The following NDST4 variants were observed in gnomAD, a reference collection of about 807,000 sequenced individuals.
The protein encoded by NDST4 is N-heparan sulfate sulfotransferase 4.
Under a neutral mutation model 100.8 loss-of-function variants are expected in NDST4, and 63 were observed. The observed-to-expected ratio is 0.62, with a 90% confidence interval of 0.51 to 0.77. The LOEUF (loss-of-function observed/expected upper bound fraction) is 0.77, where lower values mean the gene tolerates loss of function less well. Among genes scored for constraint, NDST4 ranks in the 30% least tolerant of loss-of-function variants. The pLI is 0.00. For synonymous variants in NDST4, 377 were observed against 361.8 expected (o/e 1.04, Z -0.48); for missense variants, 943 against 1,018.4 (o/e 0.93, Z 1.01).
At chr4:114,900,042 T>C (rs1365535005) in intron 6 of NDST4, among the ~76,000 whole-genome samples, 1 of 152,144 alleles carries the variant, frequency 6.6e-6, no homozygotes, top group African/African-American at 2.4e-5. Flanking sequence ...TGTTTACTTC[T>C]TCTTGTGTGA....
chr4:115,016,790 G>A (rs1249291110), intron 2 of NDST4, among the ~76,000 whole-genome samples: 5 of 151,982 alleles, frequency 3.3e-5, no homozygotes, highest in African/African-American at 7.2e-5. Context: ...TAATGACTCC[G>A]ACCCTTCCAG....
chr4:114,916,155 C>T (rs976238050), intron 6 of NDST4, among the ~76,000 whole-genome samples: 7 of 152,104 alleles, frequency 4.6e-5, no homozygotes, highest in Admixed American at 4.6e-4. Context: ...TGAAGCCACT[C>T]TCATGGTCTG....
intron 4 of NDST4, among the ~76,000 whole-genome samples, chr4:114,962,206 A>G (rs1726278961): frequency 6.6e-6 from 1 of 152,108 alleles, no homozygotes; most frequent in Non-Finnish European, 1.5e-5. Context: ...CATCATGCCT[A>G]ATGGCGAAAG....
intron 2 of NDST4, among the ~76,000 whole-genome samples, chr4:115,045,683 C>A (rs909776599): frequency 6.6e-6 from 1 of 152,170 alleles, no homozygotes; most frequent in Admixed American, 6.6e-5. Context: ...TACAGAAGGA[C>A]ACCTGCACCT....
intron 2 of NDST4, among the ~76,000 whole-genome samples, chr4:114,987,856 T>A (rs1172568842): frequency 1.3e-5 from 2 of 152,198 alleles, no homozygotes; most frequent in African/African-American, 4.8e-5. Context: ...AGTGAATGTC[T>A]GATCATGGGA....
intron 6 of NDST4, among the ~76,000 whole-genome samples, chr4:114,928,746 C>T (rs1042508004): frequency 6.6e-6 from 1 of 151,960 alleles, no homozygotes; most frequent in South Asian, 2.1e-4. Context: ...GTTGAAGGCC[C>T]GAATAAAACA....
chr4:114,904,208 T>C (rs72904955), intron 6 of NDST4, among the ~76,000 whole-genome samples: 7,327 of 152,020 alleles, frequency 0.048, 581 homozygotes, highest in African/African-American at 0.17. Context: ...ATAATCACTA[T>C]TTCCCACTCA....
chr4:115,050,024 T>C (rs909272535), intron 2 of NDST4, among the ~76,000 whole-genome samples: 2 of 152,152 alleles, frequency 1.3e-5, no homozygotes, highest in African/African-American at 4.8e-5. Flanking sequence ...TTTCTGATTA[T>C]CATGAGTCCT....
chr4:114,884,835 G>A (rs368318396), intron 6 of NDST4, among the ~76,000 whole-genome samples: 57 of 152,022 alleles, frequency 3.7e-4, no homozygotes, highest in Non-Finnish European at 3.8e-4. Flanking sequence ...ATCAAAATAC[G>A]TAAGATGATG....
At chr4:114,928,585 G>A (rs1443951414) in intron 6 of NDST4, among the ~76,000 whole-genome samples, 2 of 152,180 alleles carry the variant, frequency 1.3e-5, no homozygotes, top group South Asian at 2.1e-4. Context: ...ACTAGACCAG[G>A]AAATGGCAAG....
chr4:114,984,316 C>G (rs1726850890), intron 2 of NDST4, among the ~76,000 whole-genome samples: 1 of 151,954 alleles, frequency 6.6e-6, no homozygotes, highest in Non-Finnish European at 1.5e-5. Context: ...GTAGATGGGA[C>G]TACAGGCACC....
At chr4:115,028,070 A>AG (rs1197748377) in intron 2 of NDST4, among the ~76,000 whole-genome samples, 4 of 152,076 alleles carry the variant, frequency 2.6e-5, no homozygotes, top group African/African-American at 9.7e-5. Context: ...AAAAAAAAAA[A>AG]AGAATGATCC....
chr4:114,874,000 G>T (rs976876185), intron 6 of NDST4, among the ~76,000 whole-genome samples: 2 of 152,030 alleles, frequency 1.3e-5, no homozygotes, highest in African/African-American at 2.4e-5. Flanking sequence ...GTGGCATTAA[G>T]TGCATTCACA....
At chr4:114,836,216 TTA>T (rs1443320278) in intron 11 of NDST4, among the ~76,000 whole-genome samples, 1 of 152,188 alleles carries the variant, frequency 6.6e-6, no homozygotes, top group East Asian at 1.9e-4. Flanking sequence ...TCATCAGTCT[TTA>T]TATTTTGATG....
chr4:114,854,185 G>A (rs2126189607), intron 7 of NDST4, among the ~76,000 whole-genome samples: 1 of 152,162 alleles, frequency 6.6e-6, no homozygotes, highest in East Asian at 1.9e-4. Context: ...GAGTTCAATT[G>A]TTTTAATTTT....
chr4:114,892,945 CCACGTGTTCTCAA>C (rs1407795437), intron 6 of NDST4, among the ~76,000 whole-genome samples: 1 of 152,040 alleles, frequency 6.6e-6, no homozygotes, highest in Non-Finnish European at 1.5e-5. Flanking sequence ...CTCTCTGTGT[CCACGTGTTCTCAA>C]TATTTGACTC....
At chr4:115,002,082 G>A (rs2126256221) in intron 2 of NDST4, among the ~76,000 whole-genome samples, 1 of 152,146 alleles carries the variant, frequency 6.6e-6, no homozygotes, top group South Asian at 2.1e-4. Flanking sequence ...TATAAAATGG[G>A]TACTACAATG....
At chr4:115,024,296 G>T (rs1727930752) in intron 2 of NDST4, among the ~76,000 whole-genome samples, 1 of 152,156 alleles carries the variant, frequency 6.6e-6, no homozygotes, top group Non-Finnish European at 1.5e-5. Context: ...GCTTCATTCT[G>T]GGAAAGCTGC....
chr4:114,987,926 T>A (rs1371892024), intron 2 of NDST4, among the ~76,000 whole-genome samples: 3 of 152,216 alleles, frequency 2.0e-5, no homozygotes, highest in African/African-American at 7.2e-5. Flanking sequence ...CTACTTATTA[T>A]GCAATGCAAA....
Sources: allele counts gnomAD v4.1 joint callset (sites outside exome capture counted in the v4.1 genomes callset), GRCh38; gene constraint gnomAD v4.1.1; transcripts MANE v1.5; gene names NCBI Gene and HGNC (gene_info 2026-07-23, HGNC 2026-07-21).